The following DLG2 variants were observed in gnomAD, a reference collection of about 807,000 sequenced individuals.
The protein encoded by DLG2 is discs large MAGUK scaffold protein 2.
DLG2 carries 45 observed loss-of-function variants against 132.5 expected under a neutral mutation model. The observed-to-expected ratio is 0.34, with a 90% CI of 0.27 to 0.44. The LOEUF (loss-of-function observed/expected upper bound fraction) is 0.44, where lower values mean the gene tolerates loss of function less well. Among genes scored for constraint, DLG2 ranks in the 20% least tolerant of loss-of-function variants. DLG2 has a pLI of 1.00. For missense variants in DLG2, 1,045 were observed against 1,196.9 expected (o/e 0.87, Z 1.87); for synonymous variants, 424 against 419.6 (o/e 1.01, Z -0.13).
At chr11:84,524,843 G>A (rs1052037764) in intron 7 of DLG2, among the ~76,000 whole-genome samples, 2 of 150,346 alleles carry the variant, frequency 1.3e-5, no homozygotes, top group South Asian at 2.1e-4. Flanking sequence ...TAACTCATAG[G>A]GTATTTCTTT....
At chr11:85,558,250 G>A (rs2077040473) in intron 3 of DLG2, among the ~76,000 whole-genome samples, 1 of 151,866 alleles carries the variant, frequency 6.6e-6, no homozygotes, top group African/African-American at 2.4e-5. Context: ...AAACCACAAT[G>A]AGATGCCATC....
intron 15 of DLG2, among the ~76,000 whole-genome samples, chr11:83,917,839 A>C (rs1017503831): frequency 1.1e-4 from 16 of 152,196 alleles, no homozygotes; most frequent in African/African-American, 3.6e-4. Context: ...TGACAGAAAT[A>C]TATTCTGTTT....
At chr11:83,724,441 TAATC>T (rs1199786518) in intron 18 of DLG2, among the ~76,000 whole-genome samples, 1 of 144,628 alleles carries the variant, frequency 6.9e-6, no homozygotes, top group Non-Finnish European at 1.5e-5. Flanking sequence ...TCACATTCCT[TAATC>T]AATCTCTCTC....
At chr11:84,276,286 G>C (rs903592218) in intron 7 of DLG2, among the ~76,000 whole-genome samples, 1 of 152,076 alleles carries the variant, frequency 6.6e-6, no homozygotes, top group African/African-American at 2.4e-5. Flanking sequence ...AATCATTTAG[G>C]TTATATTACT....
chr11:84,728,122 C>A (rs1021373298), intron 6 of DLG2, among the ~76,000 whole-genome samples: 1 of 152,262 alleles, frequency 6.6e-6, no homozygotes, highest in East Asian at 1.9e-4. Context: ...ACTTCCAACA[C>A]TATGTTGAAT....
At chr11:84,209,327 T>A (rs2096719599) in intron 8 of DLG2, among the ~76,000 whole-genome samples, 1 of 152,142 alleles carries the variant, frequency 6.6e-6, no homozygotes, top group South Asian at 2.1e-4. Context: ...AAGAAAAGCC[T>A]GAAAAATTGT....
At chr11:83,820,981 T>A (rs1025552339) in intron 17 of DLG2, among the ~76,000 whole-genome samples, 2 of 152,164 alleles carry the variant, frequency 1.3e-5, no homozygotes, top group Non-Finnish European at 2.9e-5. Flanking sequence ...GAACAAAATC[T>A]CCAAAAGCTT....
intron 7 of DLG2, among the ~76,000 whole-genome samples, chr11:84,302,629 C>G (rs1394928774): frequency 6.6e-6 from 1 of 152,082 alleles, no homozygotes; most frequent in Non-Finnish European, 1.5e-5. Context: ...GGTGGAATTA[C>G]AGGTGACTTT....
intron 3 of DLG2, among the ~76,000 whole-genome samples, chr11:85,300,219 A>T (rs2152790307): frequency 6.6e-6 from 1 of 152,310 alleles, no homozygotes; most frequent in East Asian, 1.9e-4. Context: ...ATGGGAAGAG[A>T]TATTTGATAA....
chr11:85,130,805 A>C (rs1485824385), intron 5 of DLG2, among the ~76,000 whole-genome samples: 1 of 152,180 alleles, frequency 6.6e-6, no homozygotes, highest in Admixed American at 6.5e-5. Flanking sequence ...CTTGGGGAAA[A>C]ACAGTAAAGT....
chr11:85,146,435 T>C (rs1024881148), intron 5 of DLG2, among the ~76,000 whole-genome samples: 12 of 152,086 alleles, frequency 7.9e-5, no homozygotes, highest in Non-Finnish European at 1.8e-4. Context: ...AAGGGCTCTT[T>C]AGTCATCAGG....
rs540586770 is a variant in DLG2 at position 85,484,045 on chromosome 11, C to T, written c.40+114612G>A. Among the ~76,000 whole-genome samples, 11 of 152,128 alleles carry T rather than the reference C, an allele frequency of 7.2e-5. 1 individual carries two copies. The highest frequency in any genetic ancestry group is 1.9e-4 in the African/African-American group (8 of 41,478). On this transcript the variant is annotated intron_variant, in intron 3 of 27. Coordinates refer to ENST00000376104, the MANE Select transcript of DLG2 (RefSeq NM_001142699.3). The stretch of plus-strand genomic sequence containing the variant: ...GTAAACTCCATTTAAGGCTAAATAC[C>T]GGCACGAGACCGATAGTCAACAAGT...
At chr11:84,523,778 G>C (rs186476800) in intron 7 of DLG2, among the ~76,000 whole-genome samples, 1 of 152,086 alleles carries the variant, frequency 6.6e-6, no homozygotes, top group Admixed American at 6.5e-5. Context: ...TGTGTAACTG[G>C]GTTAACTCTA....
chr11:84,127,198 G>A (rs1325159414), intron 9 of DLG2, among the ~76,000 whole-genome samples: 1 of 152,184 alleles, frequency 6.6e-6, no homozygotes, highest in Non-Finnish European at 1.5e-5. Flanking sequence ...TGACTTCAGA[G>A]AGTGCGCCAA....
rs1332545279 is a variant in DLG2, at chr11:85,435,821, C to T, written c.41-150456G>A. Among the ~76,000 whole-genome samples, 3 of 152,124 alleles carry T rather than the reference C, an allele frequency of 2.0e-5. No individual in the cohort carries two copies. In the East Asian group the frequency reaches 5.8e-4, roughly 29 times the overall value. On this transcript the variant is annotated intron_variant, in intron 3 of 27. Transcript: ENST00000376104. ...AATTAGCAAAACCTACTTTAAAATTCACATGGAACCAAAAAAGAGCCCTCA... is the reference window on the plus strand; with the variant it reads ...AATTAGCAAAACCTACTTTAAAATTTACATGGAACCAAAAAAGAGCCCTCA...
chr11:84,506,079 C>CTTTTTTTTT (rs779039240), intron 7 of DLG2, among the ~76,000 whole-genome samples: 15,203 of 106,018 alleles, frequency 0.14, 2,427 homozygotes, highest in South Asian at 0.24. Flanking sequence ...AGGCTCAGTT[C>CTTTTTTTTT]TTTTTTTTTT....
chr11:85,564,348 T>G (rs1158747875), intron 3 of DLG2, among the ~76,000 whole-genome samples: 2 of 151,992 alleles, frequency 1.3e-5, no homozygotes, highest in African/African-American at 2.4e-5. Context: ...GCAAGGATTT[T>G]CTCCTATGTT....
intron 15 of DLG2, among the ~76,000 whole-genome samples, chr11:83,912,736 A>T (rs2076283823): frequency 6.6e-6 from 1 of 152,152 alleles, no homozygotes. Context: ...TTGTATGTGT[A>T]CATTGCAAAG....
intron 19 of DLG2, among the ~76,000 whole-genome samples, chr11:83,623,044 C>T (rs763915540): frequency 7.2e-5 from 11 of 152,142 alleles, no homozygotes; most frequent in African/African-American, 2.2e-4. Flanking sequence ...ACTATTATTG[C>T]GTGACTAAGT....
Sources: allele counts gnomAD v4.1 joint callset (sites outside exome capture counted in the v4.1 genomes callset), GRCh38; gene constraint gnomAD v4.1.1; transcripts MANE v1.5; gene names NCBI Gene and HGNC (gene_info 2026-07-23, HGNC 2026-07-21).